Variants in MCF2L2 observed in about 807,000 individuals in gnomAD.
The protein encoded by MCF2L2 is MCF.2 cell line derived transforming sequence-like 2.
Under a neutral mutation model 150.2 loss-of-function variants are expected in MCF2L2, and 102 were observed. The observed-to-expected ratio is 0.68, with a 90% CI of 0.58 to 0.80. The LOEUF is 0.80. Among genes scored for constraint, MCF2L2 ranks in the 30% least tolerant of loss-of-function variants. The pLI is 0.00. For synonymous variants in MCF2L2, 465 were observed against 491.3 expected, an observed-to-expected ratio of 0.95 and a Z score of 0.71; for missense variants, 1,256 against 1,372.8, an observed-to-expected ratio of 0.91 and a Z score of 1.34.
chr3:183,217,997 A>C (rs765670131), intron 21 of MCF2L2, among the ~76,000 whole-genome samples: 2 of 152,222 alleles, frequency 1.3e-5, no homozygotes, highest in Non-Finnish European at 2.9e-5. Flanking sequence ...TACACATAAA[A>C]AAATTTTGGT....
intron 25 of MCF2L2, among the ~76,000 whole-genome samples, chr3:183,200,900 T>G (rs1722256349): frequency 1.3e-5 from 2 of 152,202 alleles, no homozygotes; most frequent in African/African-American, 4.8e-5. Flanking sequence ...CTATTTCTTG[T>G]TTTTGTCAGG....
At chr3:183,370,724 C>G (rs1373936336) in intron 3 of MCF2L2, among the ~76,000 whole-genome samples, 1 of 151,698 alleles carries the variant, frequency 6.6e-6, no homozygotes, top group Non-Finnish European at 1.5e-5. Context: ...AGGACAAGAG[C>G]CTGGCATATT....
At chr3:183,423,642 T>G (rs1479459390) in intron 1 of MCF2L2, among the ~76,000 whole-genome samples, 14 of 143,496 alleles carry the variant, frequency 9.8e-5, no homozygotes, top group East Asian at 5.9e-4. Context: ...GTTTTTTTTT[T>G]TTTTTTTTTT....
intron 5 of MCF2L2, among the ~76,000 whole-genome samples, chr3:183,337,581 A>G (rs1322353417): frequency 6.6e-6 from 1 of 151,992 alleles, no homozygotes; most frequent in Non-Finnish European, 1.5e-5. Context: ...GAAGAAAAAA[A>G]AGAAACTATC....
At chr3:183,311,099 G>A (rs1729355857) in intron 8 of MCF2L2, 70 bp from the exon 9 acceptor site, 1 of 873,258 alleles carries the variant, frequency 1.1e-6, no homozygotes, top group Admixed American at 2.0e-5. Flanking sequence ...ATAGGCCTAT[G>A]GCTAGAACAC....
At chr3:183,286,590 A>G (rs1467221059) in intron 14 of MCF2L2, among the ~76,000 whole-genome samples, 2 of 152,246 alleles carry the variant, frequency 1.3e-5, no homozygotes, top group Non-Finnish European at 2.9e-5. Flanking sequence ...CATATTTTGG[A>G]ATAACAATTT....
At chr3:183,405,426 G>A (rs1049754172) in intron 1 of MCF2L2, among the ~76,000 whole-genome samples, 9 of 150,010 alleles carry the variant, frequency 6.0e-5, no homozygotes, top group African/African-American at 2.2e-4. Context: ...AGTCGTTTAA[G>A]CATCGACACA....
chr3:183,213,496 C>G (rs1046014870), intron 22 of MCF2L2, among the ~76,000 whole-genome samples: 2 of 151,386 alleles, frequency 1.3e-5, no homozygotes, highest in Admixed American at 6.6e-5. Context: ...TTTATAAAAC[C>G]AGGTTAATAT....
chr3:183,303,726 G>T (rs1052384958), intron 10 of MCF2L2, among the ~76,000 whole-genome samples: 1 of 152,010 alleles, frequency 6.6e-6, no homozygotes. Flanking sequence ...TTTTCTTCAG[G>T]CTCTCCTTCA....
rs145193172 is a variant in MCF2L2, at chr3:183,422,334, G to C, written c.76+5568C>G. Among the ~76,000 whole-genome samples the C allele has an allele frequency of 1.3e-3, 193 of 152,302 alleles. 1 individual carries two copies. The highest frequency in any genetic ancestry group is 1.7e-3 in the Non-Finnish European group (114 of 68,026). ...TAGCTAAAGTCAGTTATTTGGGGGAGAGCTTCAAACCCTCTATTCTTCCAG... is the reference window on the plus strand; with the variant it reads ...TAGCTAAAGTCAGTTATTTGGGGGACAGCTTCAAACCCTCTATTCTTCCAG... On this transcript the variant is annotated intron_variant, in intron 1 of 29. Transcript: ENST00000328913.
At chr3:183,313,123 T>C (rs1404080917) in intron 7 of MCF2L2, among the ~76,000 whole-genome samples, 1 of 152,160 alleles carries the variant, frequency 6.6e-6, no homozygotes, top group African/African-American at 2.4e-5. Flanking sequence ...TTAGATATGA[T>C]GGAAAAATGT....
chr3:183,337,193 C>A (rs1008517521), intron 5 of MCF2L2, among the ~76,000 whole-genome samples: 2 of 152,084 alleles, frequency 1.3e-5, no homozygotes, highest in African/African-American at 4.8e-5. Context: ...GATGGACATT[C>A]TTGTGTATGT....
chr3:183,241,403 C>T (rs1254649697), intron 15 of MCF2L2, among the ~76,000 whole-genome samples: 2 of 152,122 alleles, frequency 1.3e-5, no homozygotes, highest in African/African-American at 4.8e-5. Context: ...TAATAATCCC[C>T]ACATGTCATG....
chr3:183,411,305 T>A (rs1715304896), intron 1 of MCF2L2, among the ~76,000 whole-genome samples: 1 of 152,202 alleles, frequency 6.6e-6, no homozygotes, highest in Admixed American at 6.5e-5. Context: ...TGAGATAGTC[T>A]TCCTTTTCAG....
At chr3:183,187,455 AT>A (rs985080597) in intron 27 of MCF2L2, among the ~76,000 whole-genome samples, 61 of 151,900 alleles carry the variant, frequency 4.0e-4, no homozygotes, top group Admixed American at 2.0e-3. Context: ...TATAACCTTT[AT>A]TTTTTTTATT....
chr3:183,420,104 T>C (rs368389563), intron 1 of MCF2L2, among the ~76,000 whole-genome samples: 2 of 152,198 alleles, frequency 1.3e-5, no homozygotes, highest in East Asian at 3.8e-4. Context: ...ATTATCAACA[T>C]TTTTGTCAAA....
At chr3:183,361,348 G>A (rs1213717645) in intron 3 of MCF2L2, among the ~76,000 whole-genome samples, 1 of 152,160 alleles carries the variant, frequency 6.6e-6, no homozygotes, top group Non-Finnish European at 1.5e-5. Flanking sequence ...GTTTGGCTCT[G>A]TGTTCCCACC....
chr3:183,401,643 A>G (rs1231651906), intron 1 of MCF2L2, among the ~76,000 whole-genome samples: 1 of 152,190 alleles, frequency 6.6e-6, no homozygotes, highest in African/African-American at 2.4e-5. Context: ...TTTTTTCGAT[A>G]GAGACTAGTA....
At chr3:183,341,504 G>A in intron 4 of MCF2L2, 36 bp downstream of exon 4, 1 of 1,464,762 alleles carries the variant, frequency 6.8e-7, no homozygotes. Flanking sequence ...CAATTTAAAT[G>A]ACTTTTATAA....
Sources: allele counts gnomAD v4.1 joint callset (sites outside exome capture counted in the v4.1 genomes callset), GRCh38; gene constraint gnomAD v4.1.1; transcripts MANE v1.5; gene names NCBI Gene and HGNC (gene_info 2026-07-23, HGNC 2026-07-21).